Variants in NKAIN2 observed in about 807,000 individuals in gnomAD.
NKAIN2 encodes the protein sodium/potassium-transporting ATPase subunit beta-1-interacting protein 2.
NKAIN2 carries 14 observed loss-of-function variants against 32.6 expected under a neutral mutation model. The observed-to-expected ratio is 0.43, with a 90% CI of 0.28 to 0.67. The LOEUF (loss-of-function observed/expected upper bound fraction) is 0.67. NKAIN2 is among the 30% of genes least tolerant of loss of function. The pLI is 0.17. For synonymous variants in NKAIN2, 80 were observed against 87.2 expected (o/e 0.92, Z 0.46); for missense variants, 198 against 258.3 (o/e 0.77, Z 1.60).
intron 2 of NKAIN2, among the ~76,000 whole-genome samples, chr6:124,349,501 A>G (rs1798613750): frequency 6.6e-6 from 1 of 152,332 alleles, no homozygotes; most frequent in East Asian, 1.9e-4. Context: ...TATAGATTGC[A>G]TTAATTGTCA....
At chr6:124,796,062 G>C (rs1409510340) in intron 5 of NKAIN2, among the ~76,000 whole-genome samples, 1 of 152,116 alleles carries the variant, frequency 6.6e-6, no homozygotes, top group Admixed American at 6.5e-5. Context: ...GACTCACAGG[G>C]TGCCACTGCC....
intron 3 of NKAIN2, among the ~76,000 whole-genome samples, chr6:124,484,671 G>C (rs1027918146): frequency 6.6e-6 from 1 of 152,138 alleles, no homozygotes; most frequent in African/African-American, 2.4e-5. Context: ...CTGAACACAT[G>C]CATGCCCACA....
At chr6:124,408,805 G>A (rs1479600709) in intron 3 of NKAIN2, among the ~76,000 whole-genome samples, 6 of 152,202 alleles carry the variant, frequency 3.9e-5, no homozygotes, top group Non-Finnish European at 5.9e-5. Context: ...CCATTTTCAC[G>A]ATATTGATTC....
At chr6:123,839,461 A>G (rs1774774246) in intron 1 of NKAIN2, among the ~76,000 whole-genome samples, 1 of 152,124 alleles carries the variant, frequency 6.6e-6, no homozygotes, top group Admixed American at 6.6e-5. Flanking sequence ...CTCCAATCCT[A>G]TTCTTTCTGT....
chr6:124,683,699 C>A (rs1466742791), intron 4 of NKAIN2, among the ~76,000 whole-genome samples: 1 of 152,138 alleles, frequency 6.6e-6, no homozygotes, highest in Non-Finnish European at 1.5e-5. Flanking sequence ...ACATGAAGAG[C>A]CAACACCGAC....
At chr6:124,100,450 T>A (rs1784831242) in intron 1 of NKAIN2, among the ~76,000 whole-genome samples, 1 of 152,212 alleles carries the variant, frequency 6.6e-6, no homozygotes, top group Non-Finnish European at 1.5e-5. Flanking sequence ...ATTTAATGCT[T>A]AGTGTTTACA....
At chr6:124,545,364 C>T (rs1223807863) in intron 3 of NKAIN2, among the ~76,000 whole-genome samples, 2 of 152,028 alleles carry the variant, frequency 1.3e-5, no homozygotes, top group Non-Finnish European at 2.9e-5. Context: ...ATAATAATCC[C>T]TTTGCCCATA....
intron 3 of NKAIN2, among the ~76,000 whole-genome samples, chr6:124,497,324 C>T (rs1223770726): frequency 3.3e-5 from 5 of 152,056 alleles, no homozygotes; most frequent in Non-Finnish European, 5.9e-5. Context: ...GTGTAAATTG[C>T]ATTCGGCTAG....
intron 3 of NKAIN2, among the ~76,000 whole-genome samples, chr6:124,604,117 C>T (rs1390971869): frequency 6.6e-6 from 1 of 151,978 alleles, no homozygotes; most frequent in Admixed American, 6.6e-5. Context: ...TTTCTTGAAG[C>T]TCTCATAGCG....
chr6:124,003,297 G>A (rs1779948933), intron 1 of NKAIN2, among the ~76,000 whole-genome samples: 1 of 152,106 alleles, frequency 6.6e-6, no homozygotes, highest in South Asian at 2.1e-4. Flanking sequence ...TTTCTAAAAA[G>A]CATTCCTGGT....
chr6:123,918,803 G>C (rs1276367342), intron 1 of NKAIN2, among the ~76,000 whole-genome samples: 1 of 152,070 alleles, frequency 6.6e-6, no homozygotes, highest in Admixed American at 6.6e-5. Flanking sequence ...TATCTCATTA[G>C]ACATAATGAG....
intron 3 of NKAIN2, among the ~76,000 whole-genome samples, chr6:124,560,053 T>A (rs1780631840): frequency 6.6e-6 from 1 of 152,058 alleles, no homozygotes; most frequent in Non-Finnish European, 1.5e-5. Flanking sequence ...TGTGGCATTA[T>A]GTTTTTGAGG....
In NKAIN2 at chr6:123,837,350, A is replaced by G. The variant is rs774879515; in HGVS notation, c.54+33096A>G. Among the ~76,000 whole-genome samples, 59 of 152,034 alleles carry G rather than the reference A, an allele frequency of 3.9e-4. 1 individual carries two copies. The highest frequency in any genetic ancestry group is 3.7e-3 in the Admixed American group (56 of 15,258). On this transcript the variant is annotated intron_variant, in intron 1 of 6. Transcript: ENST00000368417. ...AGCTCCATAGGTCCTACAACCCTCT[A>G]TCATACCCCATTTGAGTTAGTGGGA...
intron 3 of NKAIN2, among the ~76,000 whole-genome samples, chr6:124,433,726 A>G (rs940738010): frequency 4.6e-5 from 7 of 152,148 alleles, no homozygotes; most frequent in Admixed American, 2.0e-4. Context: ...AGGCTCATAT[A>G]GACAAGAGGC....
At chr6:124,320,339 C>T (rs1797123739) in intron 2 of NKAIN2, among the ~76,000 whole-genome samples, 2 of 152,210 alleles carry the variant, frequency 1.3e-5, no homozygotes, top group Non-Finnish European at 2.9e-5. Flanking sequence ...AAGAGCCCAA[C>T]TCAAATGAAG....
intron 1 of NKAIN2, among the ~76,000 whole-genome samples, chr6:124,161,283 C>G (rs896747377): frequency 6.6e-6 from 1 of 151,970 alleles, no homozygotes; most frequent in Non-Finnish European, 1.5e-5. Context: ...GGAGGTGCTA[C>G]ACACTTTTGA....
chr6:124,283,674 C>T (rs1327804980), intron 2 of NKAIN2, among the ~76,000 whole-genome samples: 1 of 152,140 alleles, frequency 6.6e-6, no homozygotes, highest in Non-Finnish European at 1.5e-5. Flanking sequence ...TGCATTCCCA[C>T]TCAAGTTAAA....
chr6:124,634,266 T>C (rs575012764), intron 3 of NKAIN2, among the ~76,000 whole-genome samples: 17 of 152,072 alleles, frequency 1.1e-4, no homozygotes, highest in African/African-American at 3.4e-4. Context: ...AGAAAATATA[T>C]TGAAATGCCT....
At chr6:124,555,218 T>G (rs1343855361) in intron 3 of NKAIN2, among the ~76,000 whole-genome samples, 2 of 152,106 alleles carry the variant, frequency 1.3e-5, no homozygotes, top group Non-Finnish European at 2.9e-5. Context: ...CCAGGTGGAG[T>G]GGCAATTGGT....
Sources: gnomAD v4.1 joint callset for allele counts (sites outside exome capture counted in the v4.1 genomes callset) on GRCh38, gnomAD v4.1.1 for gene constraint, MANE v1.5 for transcripts, NCBI Gene and HGNC (gene_info 2026-07-23, HGNC 2026-07-21) for gene names.